PTPRH: variants seen among roughly 807,000 people sequenced by gnomAD.
The protein encoded by PTPRH is receptor-type tyrosine-protein phosphatase H.
In PTPRH, 113 loss-of-function variants were observed where a neutral mutation model predicts 130.2. That is an observed-to-expected ratio of 0.87 (90% CI 0.75 to 1.01). PTPRH has a LOEUF of 1.01. PTPRH is among the 50% of genes least tolerant of loss of function. The pLI, the probability that PTPRH is intolerant of heterozygous loss-of-function variation, is 0.00. For missense variants in PTPRH, 1,430 were observed against 1,425.0 expected (o/e 1.00, Z -0.06); for synonymous variants, 556 against 577.9 (o/e 0.96, Z 0.54).
In PTPRH at chr19:55,181,876, T is replaced by C. The variant is rs2288419; in HGVS notation, c.3226A>G (p.Ile1076Val). The C allele has an allele frequency of 0.24, 393,443 of 1,613,964 alleles. 55,656 individuals carry two copies. Among genetic ancestry groups the C allele is most frequent in the Admixed American group, 0.47 (27,913 of 60,020 alleles). The stretch of plus-strand genomic sequence containing the variant: ...GCTGACTGTTGGAGGAACCGCAGGA[T>C]GCACTGATGCAGGAATACGTACTGA... ...EAQYVFLHQC[I>V]LRFLQQSAQA... Residue 1076 changes from isoleucine to valine, a missense_variant, in exon 20 of 20, where the codon ATC becomes GTC. Transcript: ENST00000376350.
At chr19:55,199,764 A>C (rs2086798304) in intron 7 of PTPRH, among the ~76,000 whole-genome samples, 3 of 150,690 alleles carry the variant, frequency 2.0e-5, no homozygotes, top group Admixed American at 6.6e-5. Context: ...AAAGAGAAAG[A>C]GAAAGAAAGA....
chr19:55,196,602 G>C lies in PTPRH; in HGVS notation c.2177C>G (p.Ser726Cys). 1 of 1,613,798 alleles carries C rather than the reference G, an allele frequency of 6.2e-7. No individual in the cohort carries two copies. Among genetic ancestry groups the C allele is most frequent in the Non-Finnish European group, 8.5e-7 (1 of 1,179,960 alleles). Reference sequence around the variant, plus strand: ...GATGGTCGTGATGGTGGCTGGGTAGGACCGAGCCGGCCCGAGACCCAACAC... The same window carrying C: ...GATGGTCGTGATGGTGGCTGGGTAGCACCGAGCCGGCCCGAGACCCAACAC... Reference protein sequence around the residue: ...VSVLGLGPARSYPATITTIWD... With the variant: ...VSVLGLGPARCYPATITTIWD... The change falls in exon 10 of 20, where the codon TCC becomes TGC. Residue 726 changes from serine (S) to cysteine (C), a missense_variant. Ser to Cys is a moderately radical substitution (Grantham distance 112). Transcript: ENST00000376350.
intron 14 of PTPRH, among the ~76,000 whole-genome samples, chr19:55,186,808 G>A (rs924771992): frequency 6.6e-5 from 10 of 152,270 alleles, no homozygotes; most frequent in African/African-American, 2.4e-4. Flanking sequence ...ACTTTGGGAG[G>A]CTGAGGTGGG....
rs117211993 is a variant in PTPRH at position 55,195,862 on chromosome 19, T to C, written c.2257+660A>G. Among the ~76,000 whole-genome samples the C allele has an allele frequency of 2.3e-3, 357 of 152,148 alleles. 9 individuals carry two copies. In the East Asian group the frequency reaches 0.06, roughly 26 times the overall value. On this transcript the variant is annotated intron_variant, in intron 10 of 19. Transcript: ENST00000376350. ...CTGGGATTCCAGGCATGAGCCACTG[T>C]GCCCACTCTATGATTGCATTTTAAT...
At position 55,202,048 on chromosome 19, in the gene PTPRH, C is replaced by T. The variant is rs537172387; in HGVS notation, c.1153+8G>A. ...TAAGAGATCAAACAAATGGCGACTG[C>T]CTCTCACCTGTGGTGGCATTTCGAG... On this transcript the variant is annotated splice_region_variant and intron_variant, in intron 6 of 19. Transcript: ENST00000376350. 1 of 1,612,962 alleles carries T rather than the reference C, an allele frequency of 6.2e-7. No homozygotes were observed. Among genetic ancestry groups the T allele is most frequent in the African/African-American group, 1.3e-5 (1 of 75,046 alleles).
chr19:55,208,808 G>T, intron 1 of PTPRH, among the ~76,000 whole-genome samples: 1 of 30,794 alleles, frequency 3.2e-5, no homozygotes, highest in Admixed American at 1.8e-4. Flanking sequence ...CTGAGTCTGA[G>T]GGAAGAGGGG....
At position 55,196,782 on chromosome 19, in the gene PTPRH, T is replaced by C. The variant is rs373928744; in HGVS notation, c.1997A>G (p.Asp666Gly). The C allele has an allele frequency of 6.2e-7, 1 of 1,611,276 alleles. No individual in the cohort carries two copies. The highest frequency in any genetic ancestry group is 8.5e-7 in the Non-Finnish European group (1 of 1,177,754). The change falls in exon 10 of 20, where the codon GAC becomes GGC. Residue 666 changes from aspartate to glycine, a missense_variant. By Grantham distance (94) the Asp-to-Gly change is moderately conservative (BLOSUM62 -1). Transcript: ENST00000376350. The stretch of plus-strand genomic sequence containing the variant: ...GACACAGGAAGTGATGGTGACTGTG[T>C]CTGGGTCTGGGTGAAGGAAGCAAGA... ...TQSLCASTYP[D>G]TVTITSCVST...
At chr19:55,191,464 G>A (rs1352623051) in intron 12 of PTPRH, 37 bp downstream of exon 12, 5 of 1,611,170 alleles carry the variant, frequency 3.1e-6, no homozygotes, top group Non-Finnish European at 4.2e-6. Context: ...GATTTGACCA[G>A]ATTCTTTCCA....
At chr19:55,187,673 C>T in intron 13 of PTPRH, 70 bp from the exon 14 acceptor site, 1 of 1,106,070 alleles carries the variant, frequency 9.0e-7, no homozygotes. Flanking sequence ...TACCCCCGAG[C>T]TCCCCTTGCC....
At chr19:55,187,299 C>A (rs1385889293) in intron 14 of PTPRH, among the ~76,000 whole-genome samples, 1 of 119,168 alleles carries the variant, frequency 8.4e-6, no homozygotes, top group African/African-American at 3.4e-5. Context: ...GAGCCGAGAT[C>A]GCGCCACTGC....
chr19:55,207,123 C>T, intron 2 of PTPRH, 43 bp downstream of exon 2: 1 of 1,610,932 alleles, frequency 6.2e-7, no homozygotes, highest in South Asian at 1.1e-5. Context: ...GTTGCGGTCC[C>T]ACCTCTTCGA....
At chr19:55,199,142 T>C (rs1244879338) in intron 7 of PTPRH, among the ~76,000 whole-genome samples, 1 of 152,098 alleles carries the variant, frequency 6.6e-6, no homozygotes, top group Non-Finnish European at 1.5e-5. Flanking sequence ...CTATCGCTAC[T>C]AAAAATTAAA....
At position 55,206,650 on chromosome 19, in the gene PTPRH, T is replaced by C. The variant is rs560701982; in HGVS notation, c.352+39A>G. ...CTCAACCACCCCCTACCACTGTCCT[T>C]ATAAAAGAAATAAAAATAAAGCAGT... On this transcript the variant is annotated intron_variant, in intron 3 of 19. Transcript: ENST00000376350. 91 of 1,539,752 alleles carry C rather than the reference T, an allele frequency of 5.9e-5. 4 individuals are homozygous for C. In the South Asian group the frequency reaches 1.1e-3, roughly 19 times the overall value.
In PTPRH at chr19:55,181,612, C is replaced by A; in HGVS notation, c.*142G>T. On this transcript the variant is annotated 3_prime_UTR_variant, in exon 20 of 20. Coordinates refer to ENST00000376350, the MANE Select transcript of PTPRH (RefSeq NM_002842.5). The stretch of plus-strand genomic sequence containing the variant: ...ACCAGACCACTCTCTCCTGGGGAAA[C>A]CAGAGTTTGGGATACCAGCCCCCTC... 8.4e-7 allele frequency: 1 copy of A among 1,191,844 alleles called. No homozygotes were observed. The highest frequency in any genetic ancestry group is 1.5e-5 in the African/African-American group (1 of 65,714). The allele number at this position is 1,191,844 out of a possible 1,614,324, so 73.8% of individuals were successfully genotyped here. A position where few individuals can be genotyped will look rare whatever the true frequency, so the allele number is the denominator to read the frequency against.
intron 2 of PTPRH, 80 bp from the exon 3 acceptor site, chr19:55,207,035 A>C (rs2087088081): frequency 1.3e-6 from 2 of 1,552,032 alleles, no homozygotes; most frequent in African/African-American, 2.7e-5. Context: ...TCACGCCCCA[A>C]GTCCAGAAAC....
chr19:55,186,185 G>A, intron 16 of PTPRH, 40 bp downstream of exon 16: 1 of 1,592,062 alleles, frequency 6.3e-7, no homozygotes, highest in African/African-American at 1.3e-5. Flanking sequence ...TCGGGGCGGG[G>A]TCCTGCACCC....
chr19:55,186,341 C>G lies in PTPRH; in HGVS notation c.2662G>C (p.Glu888Gln). 2 of 1,613,864 alleles carry G rather than the reference C, an allele frequency of 1.2e-6. No individual in the cohort carries two copies. Among genetic ancestry groups the G allele is most frequent in the Non-Finnish European group, 1.7e-6 (2 of 1,179,858 alleles). Residue 888 changes from glutamate to glutamine, a missense_variant, in exon 16 of 20, where the codon GAG becomes CAG. Transcript: ENST00000376350. ...AGGGGACCCTGGGTTGCAATGAACTCCTGGGGGCTCCAGAGACCCTGGTTG... is the reference window on the plus strand; with the variant it reads ...AGGGGACCCTGGGTTGCAATGAACTGCTGGGGGCTCCAGAGACCCTGGTTG... ...SFMPGLWSPQEFIATQGPLPQ... is the reference protein window; with the variant it reads ...SFMPGLWSPQQFIATQGPLPQ...
At chr19:55,203,396 T>TTTCCTTCC (rs112722502) in intron 5 of PTPRH, among the ~76,000 whole-genome samples, 2 of 141,576 alleles carry the variant, frequency 1.4e-5, no homozygotes, top group Non-Finnish European at 3.0e-5. Context: ...AGTTTCTTTC[T>TTTCCTTCC]TTCCTTCCTT....
intron 18 of PTPRH, among the ~76,000 whole-genome samples, chr19:55,182,690 C>T (rs890994228): frequency 2.1e-4 from 32 of 152,286 alleles, no homozygotes; most frequent in African/African-American, 6.7e-4. Context: ...GAGGTGAAGT[C>T]CCATTCCCCA....
Sources: gnomAD v4.1 joint callset for allele counts (sites outside exome capture counted in the v4.1 genomes callset) on GRCh38, gnomAD v4.1.1 for gene constraint, MANE v1.5 for transcripts, NCBI Gene and HGNC (gene_info 2026-07-23, HGNC 2026-07-21) for gene names.